Variants in NINL observed in about 807,000 individuals in gnomAD.
NINL encodes ninein like.
Under a neutral mutation model 160.3 loss-of-function variants are expected in NINL, and 153 were observed. The ratio of observed to expected loss-of-function variants is 0.95; its 90% CI spans 0.84 to 1.09. The LOEUF (loss-of-function observed/expected upper bound fraction) is 1.09. Ranked by LOEUF, NINL falls within the 50% of genes least tolerant of loss-of-function variation. The pLI is 0.00. For missense variants in NINL, 1,829 were observed against 1,764.0 expected (o/e 1.04, Z -0.66); for synonymous variants, 800 against 734.8 (o/e 1.09, Z -1.43).
chr20:25,532,827 G>C (rs564966187), intron 1 of NINL, among the ~76,000 whole-genome samples: 1 of 152,304 alleles, frequency 6.6e-6, no homozygotes, highest in African/African-American at 2.4e-5. Flanking sequence ...AGGAGGTACT[G>C]TCTCCTCCCA....
In NINL at chr20:25,476,703, G is replaced by A. The variant is rs764886933; in HGVS notation, c.2588C>T (p.Pro863Leu). The A allele has an allele frequency of 6.3e-7, 1 of 1,597,180 alleles. No individual in the cohort carries two copies. The highest frequency in any genetic ancestry group is 1.7e-5 in the Admixed American group (1 of 59,262). ...CGERPLAWLA[P>L]GDGRESEEAA... Reference sequence around the variant, plus strand: ...CTCCTCAGACTCTCTGCCATCACCTGGGGCCAGCCAGGCCAGTGGCCGCTC... The same window carrying A: ...CTCCTCAGACTCTCTGCCATCACCTAGGGCCAGCCAGGCCAGTGGCCGCTC... The change falls in exon 17 of 24, where the codon CCA (proline) becomes CTA (leucine). Residue 863 changes from proline (P) to leucine (L), a missense_variant. Pro to Leu is a moderately conservative substitution (Grantham distance 98). Coordinates refer to ENST00000278886, the MANE Select transcript of NINL (RefSeq NM_025176.6).
In NINL at chr20:25,480,236, C is replaced by T; in HGVS notation, c.1842G>A (p.Val614=). Residue 614 remains valine (V), a synonymous_variant, in exon 15 of 24, where the codon GTG becomes GTA. Transcript: ENST00000278886. ...GISFLGNSAP[V]SIETELMMEQ... is the part of the protein sequence containing the mutation. ...CCATCATCAGCTCCGTTTCTATACT[C>T]ACTGGAGCAGAATTACCCAGGAATG... is the stretch of plus-strand genomic sequence containing the variant. 1 of 1,614,050 alleles carries T rather than the reference C, an allele frequency of 6.2e-7. No individual in the cohort carries two copies. Among genetic ancestry groups the T allele is most frequent in the Non-Finnish European group, 8.5e-7 (1 of 1,180,000 alleles).
intron 1 of NINL, among the ~76,000 whole-genome samples, chr20:25,550,237 T>C (rs1185860280): frequency 6.6e-6 from 1 of 152,150 alleles, no homozygotes; most frequent in African/African-American, 2.4e-5. Context: ...TAGCCGGGCA[T>C]GGTGGCATGT....
intron 1 of NINL, among the ~76,000 whole-genome samples, chr20:25,555,592 G>A (rs1486845781): frequency 1.3e-5 from 2 of 152,172 alleles, no homozygotes; most frequent in East Asian, 1.9e-4. Context: ...CAGGCCAGAC[G>A]TGGTGGCTTC....
In NINL at chr20:25,570,806, G is replaced by A. The variant is rs373367674; in HGVS notation, c.-12+14649C>T. On this transcript the variant is annotated intron_variant, in intron 1 of 23. Coordinates refer to ENST00000278886, the MANE Select transcript of NINL (RefSeq NM_025176.6). ...CAACCTCCACCTCCCAGGCTCATGC[G>A]ATTCTCCTGCCTCAGCCTCTCGAGT... Among the ~76,000 whole-genome samples the A allele has an allele frequency of 2.7e-5, 4 of 145,720 alleles. No homozygotes were observed. In the East Asian group the frequency reaches 6.3e-4, roughly 23 times the overall value.
At position 25,476,409 on chromosome 20, in the gene NINL, G is replaced by C; in HGVS notation, c.2882C>G (p.Pro961Arg). 6.3e-7 allele frequency: 1 copy of C among 1,574,826 alleles called. No homozygotes were observed. Among genetic ancestry groups the C allele is most frequent in the Non-Finnish European group, 8.6e-7 (1 of 1,166,478 alleles). The stretch of plus-strand genomic sequence containing the variant: ...CCTGCACGAAGCGGCCGGCCTCAGG[G>C]GTGGCTCCCACATCCGTGGCTGGGT... Reference protein sequence around the residue: ...SQTQPRMWEPPLRPAASCRGQ... With the variant: ...SQTQPRMWEPRLRPAASCRGQ... The change falls in exon 17 of 24, where the codon CCC becomes CGC. Residue 961 changes from proline (P) to arginine (R), a missense_variant. Physicochemically the swap from Pro to Arg is moderately radical, Grantham distance 103 (BLOSUM62 -2). Coordinates refer to ENST00000278886, the MANE Select transcript of NINL (RefSeq NM_025176.6).
At chr20:25,553,528 AG>A (rs1255539908) in intron 1 of NINL, among the ~76,000 whole-genome samples, 3 of 152,234 alleles carry the variant, frequency 2.0e-5, no homozygotes, top group African/African-American at 7.2e-5. Context: ...CCCATGGCAA[AG>A]ATATTTTCCT....
intron 1 of NINL, among the ~76,000 whole-genome samples, chr20:25,565,471 T>C (rs1348537318): frequency 6.6e-6 from 1 of 151,870 alleles, no homozygotes; most frequent in African/African-American, 2.4e-5. Flanking sequence ...ACTTCTGAAG[T>C]TCACAGTCCA....
intron 3 of NINL, among the ~76,000 whole-genome samples, chr20:25,515,648 T>C (rs1429567865): frequency 1.3e-5 from 2 of 152,208 alleles, no homozygotes; most frequent in Admixed American, 1.3e-4. Context: ...TAATTCCCAA[T>C]GGTGGAGGAA....
At chr20:25,571,065 C>T (rs375942319) in intron 1 of NINL, among the ~76,000 whole-genome samples, 1 of 152,024 alleles carries the variant, frequency 6.6e-6, no homozygotes, top group Non-Finnish European at 1.5e-5. Context: ...GTGTTGTCAC[C>T]ATGAAAGCTC....
At chr20:25,457,561 T>A (rs1477580491) in intron 22 of NINL, among the ~76,000 whole-genome samples, 2 of 151,732 alleles carry the variant, frequency 1.3e-5, no homozygotes, top group East Asian at 4.0e-4. Context: ...TTGACCCCTT[T>A]GTGTGATGTT....
Position 25,490,004 on chromosome 20 carries a change from TG to T in NINL, c.1486-20del. 6.2e-7 allele frequency: 1 copy of T among 1,604,308 alleles called. No homozygotes were observed. Among genetic ancestry groups the T allele is most frequent in the Non-Finnish European group, 8.5e-7 (1 of 1,171,300 alleles). On this transcript the variant is annotated intron_variant, in intron 11 of 23. Transcript: ENST00000278886. ...TGTTTTCCTAGGAGACACAGGCCAG[TG>T]GCTCATCAGGCTCCTGCAGGACGGA...
chr20:25,501,053 C>G (rs781659248), intron 7 of NINL, 43 bp from the exon 8 acceptor site: 7 of 1,591,132 alleles, frequency 4.4e-6, no homozygotes, highest in Middle Eastern at 1.7e-4. Flanking sequence ...CGTCCAAAGC[C>G]TCACGCCTGT....
rs150960903 is a variant in NINL, at chr20:25,503,977, G to A, written c.836C>T (p.Pro279Leu). The change falls in exon 7 of 24, where the codon CCG (proline) becomes CTG (leucine). Residue 279 changes from proline to leucine, a missense_variant. Transcript: ENST00000278886. Reference protein sequence around the residue: ...LLLESSTRVKPSKAWSHYQVP... With the variant: ...LLLESSTRVKLSKAWSHYQVP... ...CTGGTAATGAGACCAAGCCTTGCTC[G>A]GTTTAACCCGAGTGGAAGACTCTAG... 6.0e-5 allele frequency: 97 copies of A among 1,614,082 alleles called. No homozygotes were observed. Among genetic ancestry groups the A allele is most frequent in the African/African-American group, 5.7e-4 (43 of 75,018 alleles).
chr20:25,472,403 G>A (rs2063127200), intron 17 of NINL, among the ~76,000 whole-genome samples: 1 of 134,794 alleles, frequency 7.4e-6, no homozygotes, highest in Admixed American at 8.2e-5. Flanking sequence ...TTTTGCTCTT[G>A]TTGCCCTGGC....
rs2062782094 is a variant in NINL, at chr20:25,461,408, G to C, written c.3696+114C>G. ...GTAAGCACCTGGACAGCTGTGCCCA[G>C]CAGCGCAACTACTTCTTTGGGCTGG... On this transcript the variant is annotated intron_variant, in intron 21 of 23. Coordinates refer to ENST00000278886, the MANE Select transcript of NINL (RefSeq NM_025176.6). 12 of 667,572 alleles carry C rather than the reference G, an allele frequency of 1.8e-5. No homozygotes were observed. In the South Asian group the frequency reaches 2.3e-4, roughly 13 times the overall value. 41.4% of individuals were successfully genotyped at this position (667,572 alleles called of 1,614,324 possible). A position where few individuals can be genotyped will look rare whatever the true frequency, so the allele number is the denominator to read the frequency against.
At position 25,474,912 on chromosome 20, in the gene NINL, C is replaced by T. The variant is rs533915425; in HGVS notation, c.3248+1131G>A. Among the ~76,000 whole-genome samples the T allele has an allele frequency of 1.5e-4, 22 of 151,244 alleles. No individual in the cohort carries two copies. In the South Asian group the frequency reaches 1.7e-3, roughly 11 times the overall value. Reference sequence around the variant, plus strand: ...AAGCGATTCTCCTGCCTTAGCCTCCCGAGTAGCTGGGATTACAGGCGCACG... The same window carrying T: ...AAGCGATTCTCCTGCCTTAGCCTCCTGAGTAGCTGGGATTACAGGCGCACG... On this transcript the variant is annotated intron_variant, in intron 17 of 23. Coordinates refer to ENST00000278886, the MANE Select transcript of NINL (RefSeq NM_025176.6).
chr20:25,531,093 T>C (rs2064451254), intron 1 of NINL, among the ~76,000 whole-genome samples: 1 of 152,200 alleles, frequency 6.6e-6, no homozygotes, highest in East Asian at 1.9e-4. Context: ...ACGCATTCTC[T>C]TTCTCAGGGA....
chr20:25,576,243 C>T (rs1459953271), intron 1 of NINL, among the ~76,000 whole-genome samples: 3 of 152,086 alleles, frequency 2.0e-5, no homozygotes, highest in Non-Finnish European at 2.9e-5. Flanking sequence ...ACAGGCAGGG[C>T]GTTATGTAGA....
Sources: allele counts gnomAD v4.1 joint callset (sites outside exome capture counted in the v4.1 genomes callset), GRCh38; gene constraint gnomAD v4.1.1; transcripts MANE v1.5; gene names NCBI Gene and HGNC (gene_info 2026-07-23, HGNC 2026-07-21).